Variants in KLHDC7A observed in about 807,000 individuals in gnomAD.
The protein encoded by KLHDC7A is kelch domain containing 7A.
For missense variants in KLHDC7A, 1,123 were observed against 1,052.6 expected (o/e 1.07, Z -0.93); for synonymous variants, 464 against 461.0 (o/e 1.01, Z -0.08).
rs568623660 is a variant in KLHDC7A, at chr1:18,483,797, G to A, written c.*482G>A. On this transcript the variant is annotated 3_prime_UTR_variant, in exon 1 of 1. Coordinates refer to ENST00000400664, the MANE Select transcript of KLHDC7A (RefSeq NM_152375.3). ...CACCTCCACAGTTCCCAGAAGCACC[G>A]GGACACACAGGTGGGAAAGATGGAG... is the stretch of plus-strand genomic sequence containing the variant. The A allele has an allele frequency of 2.0e-3, 2,461 of 1,213,504 alleles. 2 individuals carry two copies. Among genetic ancestry groups the A allele is most frequent in the Middle Eastern group, 7.1e-3 (28 of 3,946 alleles). The allele number at this position is 1,213,504 out of a possible 1,614,324, so 75.2% of individuals were successfully genotyped here.
rs1221178850 is a variant in KLHDC7A, at chr1:18,484,094, C to G, written c.*779C>G. 5.0e-6 allele frequency: 6 copies of G among 1,197,902 alleles called. No individual in the cohort carries two copies. The highest frequency in any genetic ancestry group is 6.7e-6 in the Non-Finnish European group (6 of 892,308). 74.2% of individuals were successfully genotyped at this position (1,197,902 alleles called of 1,614,324 possible). A position where few individuals can be genotyped will look rare whatever the true frequency, so the allele number is the denominator to read the frequency against. ...GAAACTATGTGATCCAAGGGCCACC[C>G]TGCTCCTCGGCCCTGCCCATGTTAA... On this transcript the variant is annotated 3_prime_UTR_variant, in exon 1 of 1. Coordinates refer to ENST00000400664, the MANE Select transcript of KLHDC7A (RefSeq NM_152375.3).
rs1286002920 is a variant in KLHDC7A, at chr1:18,480,971, G to T, written c.-11G>T. The T allele has an allele frequency of 1.9e-6, 3 of 1,559,628 alleles. No homozygotes were observed. Among genetic ancestry groups the T allele is most frequent in the Non-Finnish European group, 8.7e-7 (1 of 1,150,050 alleles). ...CTTGACATTCCTCAGCCCCAGGTTGGCTGGAGAAGCATGTTCCCCAGAGGA... is the reference window on the plus strand; with the variant it reads ...CTTGACATTCCTCAGCCCCAGGTTGTCTGGAGAAGCATGTTCCCCAGAGGA... On this transcript the variant is annotated 5_prime_UTR_variant, in exon 1 of 1. Transcript: ENST00000400664.
Position 18,482,487 on chromosome 1 carries a change from G to T in KLHDC7A, c.1506G>T (p.Lys502Asn). The change falls in exon 1 of 1, where the codon AAG becomes AAT. Residue 502 changes from lysine to asparagine, a missense_variant. Coordinates refer to ENST00000400664, the MANE Select transcript of KLHDC7A (RefSeq NM_152375.3). Reference sequence around the variant, plus strand: ...TGGTGGTGGCTGACGTGTGCCCCAAGGAAGACTCCGGCGGCCTCTGTTGCT... The same window carrying T: ...TGGTGGTGGCTGACGTGTGCCCCAATGAAGACTCCGGCGGCCTCTGTTGCT... ...QYLVVADVCP[K>N]EDSGGLCCYD... The T allele has an allele frequency of 6.2e-7, 1 of 1,611,628 alleles. No individual in the cohort carries two copies. Among genetic ancestry groups the T allele is most frequent in the Non-Finnish European group, 8.5e-7 (1 of 1,179,928 alleles).
chr1:18,481,451 A>G lies in KLHDC7A; in HGVS notation c.470A>G (p.His157Arg). Residue 157 changes from histidine (H) to arginine (R), a missense_variant, in exon 1 of 1, where the codon CAT (histidine) becomes CGT (arginine). By Grantham distance (29) the His-to-Arg change is conservative (BLOSUM62 0). Transcript: ENST00000400664. ...GTTGGCAGTAACCCTGACCCTCCCCATTTCCCCCGCTTGGGCAGCGAACCG... is the reference window on the plus strand; with the variant it reads ...GTTGGCAGTAACCCTGACCCTCCCCGTTTCCCCCGCTTGGGCAGCGAACCG... Reference protein sequence around the residue: ...TAVGSNPDPPHFPRLGSEPKS... With the variant: ...TAVGSNPDPPRFPRLGSEPKS... The G allele has an allele frequency of 1.2e-6, 2 of 1,613,662 alleles. No homozygotes were observed. The highest frequency in any genetic ancestry group is 2.2e-5 in the South Asian group (2 of 91,072).
rs1434761075 is a variant in KLHDC7A at position 18,481,682 on chromosome 1, A to T, written c.701A>T (p.Glu234Val). Reference protein sequence around the residue: ...VFTRVIGVSREEAGALEAASD... With the variant: ...VFTRVIGVSRVEAGALEAASD... ...ACCCGTGTGATAGGGGTCAGCAGAG[A>T]AGAGGCTGGGGCTCTCGAGGCTGCC... is the stretch of plus-strand genomic sequence containing the variant. Residue 234 changes from glutamate (E) to valine (V), a missense_variant, in exon 1 of 1, where the codon GAA becomes GTA. Coordinates refer to ENST00000400664, the MANE Select transcript of KLHDC7A (RefSeq NM_152375.3). 6.2e-7 allele frequency: 1 copy of T among 1,614,110 alleles called. No individual in the cohort carries two copies. The highest frequency in any genetic ancestry group is 8.5e-7 in the Non-Finnish European group (1 of 1,180,020).
At position 18,484,243 on chromosome 1, in the gene KLHDC7A, C is replaced by T. The variant is rs903532066; in HGVS notation, c.*928C>T. Reference sequence around the variant, plus strand: ...CCCTCCTTGTGCCAGGTACGGTCACCTGGTTTGCCGCATTCACATTTTCAG... The same window carrying T: ...CCCTCCTTGTGCCAGGTACGGTCACTTGGTTTGCCGCATTCACATTTTCAG... On this transcript the variant is annotated 3_prime_UTR_variant, in exon 1 of 1. Transcript: ENST00000400664. 2 of 376,086 alleles carry T rather than the reference C, an allele frequency of 5.3e-6. No homozygotes were observed. The highest frequency in any genetic ancestry group is 1.1e-5 in the Non-Finnish European group (2 of 184,854). 23.3% of individuals were successfully genotyped at this position (376,086 alleles called of 1,614,324 possible).
In KLHDC7A at chr1:18,482,196, C is replaced by A; in HGVS notation, c.1215C>A (p.Pro405=). ...GCTTAGGCAGAAGCAGCCGGGAGCC[C>A]CATGTGCAGCCGGTGGCCGGGACCA... ...LPGLGRSSRE[P]HVQPVAGTNF... is the part of the protein sequence containing the mutation. The change falls in exon 1 of 1, where the codon CCC becomes CCA. Residue 405 remains proline, a synonymous_variant. Transcript: ENST00000400664. 1 of 1,610,922 alleles carries A rather than the reference C, an allele frequency of 6.2e-7. No individual in the cohort carries two copies. The highest frequency in any genetic ancestry group is 8.5e-7 in the Non-Finnish European group (1 of 1,179,890).
Position 18,482,396 on chromosome 1 carries a change from A to G in KLHDC7A, c.1415A>G (p.Tyr472Cys), listed in dbSNP as rs2086899582. ...CAGGTGCTGCGCAGCCCGGACATCT[A>G]CGGGTGCCTGAGCGGGGCAGAGCGC... ...YLQVLRSPDI[Y>C]GCLSGAEREL... Residue 472 changes from tyrosine to cysteine, a missense_variant, in exon 1 of 1, where the codon TAC (tyrosine) becomes TGC (cysteine). Physicochemically the swap from Tyr to Cys is radical, Grantham distance 194 (BLOSUM62 -2). Coordinates refer to ENST00000400664, the MANE Select transcript of KLHDC7A (RefSeq NM_152375.3). The G allele has an allele frequency of 6.2e-7, 1 of 1,606,428 alleles. No individual in the cohort carries two copies. The highest frequency in any genetic ancestry group is 8.5e-7 in the Non-Finnish European group (1 of 1,179,930).
Position 18,482,576 on chromosome 1 carries a change from G to A in KLHDC7A, c.1595G>A (p.Gly532Asp). The A allele has an allele frequency of 1.2e-6, 2 of 1,611,716 alleles. No individual in the cohort carries two copies. Among genetic ancestry groups the A allele is most frequent in the Non-Finnish European group, 1.7e-6 (2 of 1,179,918 alleles). Residue 532 changes from glycine (G) to aspartate (D), a missense_variant, in exon 1 of 1, where the codon GGC becomes GAC. Transcript: ENST00000400664. ...ARMPPEAVSRGCAICSLFNYL... is the reference protein window; with the variant it reads ...ARMPPEAVSRDCAICSLFNYL... ...ATGCCCCCCGAGGCCGTGTCCCGGG[G>A]CTGTGCCATCTGCAGTCTCTTCAAT... is the stretch of plus-strand genomic sequence containing the variant.
chr1:18,484,865 C>T lies in KLHDC7A; in HGVS notation c.*1550C>T, dbSNP rs1462540012. 4 of 167,032 alleles carry T rather than the reference C, an allele frequency of 2.4e-5. No homozygotes were observed. The highest frequency in any genetic ancestry group is 5.9e-5 in the Non-Finnish European group (4 of 68,220). The allele number at this position is 167,032 out of a possible 1,614,324, so 10.3% of individuals were successfully genotyped here. On this transcript the variant is annotated 3_prime_UTR_variant, in exon 1 of 1. Coordinates refer to ENST00000400664, the MANE Select transcript of KLHDC7A (RefSeq NM_152375.3). ...GCACCAGGCTCTGCCAGTGGCAGCT[C>T]AGAGGCCACAGGGTGACATTGGCCA...
Position 18,482,387 on chromosome 1 carries a change from C to G in KLHDC7A, c.1406C>G (p.Pro469Arg), listed in dbSNP as rs749082675. The G allele has an allele frequency of 1.4e-5, 23 of 1,605,362 alleles. No individual in the cohort carries two copies. The highest frequency in any genetic ancestry group is 1.6e-4 in the Middle Eastern group (1 of 6,078). The change falls in exon 1 of 1, where the codon CCG (proline) becomes CGG (arginine). Residue 469 changes from proline (P) to arginine (R), a missense_variant. Coordinates refer to ENST00000400664, the MANE Select transcript of KLHDC7A (RefSeq NM_152375.3). The part of the protein sequence containing the change: ...SENYLQVLRS[P>R]DIYGCLSGAE... ...AACTACCTGCAGGTGCTGCGCAGCC[C>G]GGACATCTACGGGTGCCTGAGCGGG...
At position 18,480,995 on chromosome 1, in the gene KLHDC7A, G is replaced by A. The variant is rs2086884318; in HGVS notation, c.14G>A (p.Gly5Glu). ...GGCTGGAGAAGCATGTTCCCCAGAGGAGCAGAGGCCCAGGACTGGCATTTG... is the reference window on the plus strand; with the variant it reads ...GGCTGGAGAAGCATGTTCCCCAGAGAAGCAGAGGCCCAGGACTGGCATTTG... MFPR[G>E]AEAQDWHLDM... is the part of the protein sequence containing the mutation. Residue 5 changes from glycine (G) to glutamate (E), a missense_variant, in exon 1 of 1, where the codon GGA (glycine) becomes GAA (glutamate). By Grantham distance (98) the Gly-to-Glu change is moderately conservative (BLOSUM62 -2). Transcript: ENST00000400664. The A allele has an allele frequency of 1.9e-6, 3 of 1,591,422 alleles. No individual in the cohort carries two copies. Among genetic ancestry groups the A allele is most frequent in the Non-Finnish European group, 2.6e-6 (3 of 1,167,900 alleles).
rs762480358 is a variant in KLHDC7A at position 18,482,027 on chromosome 1, C to G, written c.1046C>G (p.Pro349Arg). The change falls in exon 1 of 1, where the codon CCG (proline) becomes CGG (arginine). Residue 349 changes from proline to arginine, a missense_variant. Transcript: ENST00000400664. ...GGTGCAGCCGAAAGAGCCGCCTCCC[C>G]GCAGACAGGGCCGTGGCCCTCCACC... ...TKGAAERAAS[P>R]QTGPWPSTRG... 2 of 1,612,720 alleles carry G rather than the reference C, an allele frequency of 1.2e-6. No homozygotes were observed. The highest frequency in any genetic ancestry group is 1.7e-6 in the Non-Finnish European group (2 of 1,179,886).
Position 18,482,672 on chromosome 1 carries a change from C to G in KLHDC7A, c.1691C>G (p.Pro564Arg). 1 of 1,609,018 alleles carries G rather than the reference C, an allele frequency of 6.2e-7. No individual in the cohort carries two copies. Among genetic ancestry groups the G allele is most frequent in the Non-Finnish European group, 8.5e-7 (1 of 1,179,350 alleles). Reference protein sequence around the residue: ...QPSSRVFCYNPLTGIWSEVCP... With the variant: ...QPSSRVFCYNRLTGIWSEVCP... ...TCCAGCCGCGTCTTCTGCTACAACC[C>G]GCTCACGGGGATCTGGAGCGAGGTG... The change falls in exon 1 of 1, where the codon CCG becomes CGG. Residue 564 changes from proline (P) to arginine (R), a missense_variant. By Grantham distance (103) the Pro-to-Arg change is moderately radical. Transcript: ENST00000400664.
At position 18,483,914 on chromosome 1, in the gene KLHDC7A, A is replaced by G; in HGVS notation, c.*599A>G. ...GTGGTTTGAAAAGTAGAACAGCTGA[A>G]GCTGGGGCCAGCCTAGGAGACTCTT... On this transcript the variant is annotated 3_prime_UTR_variant, in exon 1 of 1. Transcript: ENST00000400664. 1 of 1,303,298 alleles carries G rather than the reference A, an allele frequency of 7.7e-7. No individual in the cohort carries two copies. Among genetic ancestry groups the G allele is most frequent in the Non-Finnish European group, 1.0e-6 (1 of 988,500 alleles). The allele number at this position is 1,303,298 out of a possible 1,614,324, so 80.7% of individuals were successfully genotyped here.
In KLHDC7A at chr1:18,481,373, C is replaced by T. The variant is rs754991538; in HGVS notation, c.392C>T (p.Ser131Leu). 6.2e-7 allele frequency: 1 copy of T among 1,610,550 alleles called. No homozygotes were observed. Among genetic ancestry groups the T allele is most frequent in the Middle Eastern group, 1.7e-4 (1 of 6,044 alleles). Residue 131 changes from serine to leucine, a missense_variant, in exon 1 of 1, where the codon TCG (serine) becomes TTG (leucine). Ser to Leu is a moderately radical substitution (Grantham distance 145, BLOSUM62 -2). Transcript: ENST00000400664. Reference sequence around the variant, plus strand: ...GGTGAGGAGCGGGGCGGGCAGGGCTCGGACTCTGAGCAGGTGCCTCCTTGC... The same window carrying T: ...GGTGAGGAGCGGGGCGGGCAGGGCTTGGACTCTGAGCAGGTGCCTCCTTGC... ...GSGEERGGQG[S>L]DSEQVPPCCP...
rs369368539 is a variant in KLHDC7A, at chr1:18,481,334, A to T, written c.353A>T (p.Gln118Leu). 2.3e-5 allele frequency: 36 copies of T among 1,593,166 alleles called. No individual in the cohort carries two copies. The African/African-American group carries it at 3.1e-4, about 14-fold the overall frequency. ...GCCACTTCCACAGACAGGAAGCCCC[A>T]GAGAAAAGGCTCAGGTGAGGAGCGG... is the stretch of plus-strand genomic sequence containing the variant. ...TGATSTDRKPQRKGSGEERGG... is the reference protein window; with the variant it reads ...TGATSTDRKPLRKGSGEERGG... Residue 118 changes from glutamine (Q) to leucine (L), a missense_variant, in exon 1 of 1, where the codon CAG becomes CTG. Physicochemically the swap from Gln to Leu is moderately radical, Grantham distance 113. Coordinates refer to ENST00000400664, the MANE Select transcript of KLHDC7A (RefSeq NM_152375.3).
chr1:18,482,020 GCCTCCCCGCAGACAGGGCCGTGGC>G lies in KLHDC7A; in HGVS notation c.1045_1068del (p.Pro349_Ser356del), dbSNP rs776045707. 8.1e-6 allele frequency: 13 copies of G among 1,612,626 alleles called. No individual in the cohort carries two copies. The African/African-American group carries it at 1.3e-4, about 17-fold the overall frequency. On this transcript the variant is annotated inframe_deletion, in exon 1 of 1. Transcript: ENST00000400664. ...CACAAAGGGTGCAGCCGAAAGAGCC[GCCTCCCCGCAGACAGGGCCGTGGC>G]CCTCCACCCGAGGCTTCAGCCGGAA...
rs2086885693 is a variant in KLHDC7A at position 18,481,155 on chromosome 1, G to A, written c.174G>A (p.Glu58=). 1.9e-6 allele frequency: 3 copies of A among 1,612,664 alleles called. No homozygotes were observed. The highest frequency in any genetic ancestry group is 2.5e-6 in the Non-Finnish European group (3 of 1,179,482). ...GGAATGGCCAGGCAGAAGCCAAGGAGGAAGCAGAGGGCTCAGGGCAGCCTG... is the reference window on the plus strand; with the variant it reads ...GGAATGGCCAGGCAGAAGCCAAGGAAGAAGCAGAGGGCTCAGGGCAGCCTG... The part of the protein sequence containing the change: ...WGGNGQAEAK[E]EAEGSGQPAV... Residue 58 remains glutamate (E), a synonymous_variant, in exon 1 of 1, where the codon GAG becomes GAA. Coordinates refer to ENST00000400664, the MANE Select transcript of KLHDC7A (RefSeq NM_152375.3).
Sources: gnomAD v4.1 joint callset for allele counts on GRCh38, gnomAD v4.1.1 for gene constraint, MANE v1.5 for transcripts, NCBI Gene and HGNC (gene_info 2026-07-23, HGNC 2026-07-21) for gene names.